Variants in PSTK observed in about 807,000 individuals in gnomAD.
PSTK encodes phosphoseryl-tRNA kinase, also known as L-seryl-tRNA(Sec) kinase.
A neutral mutation model predicts 38.6 loss-of-function variants in PSTK; 26 were observed. The ratio of observed to expected loss-of-function variants is 0.67; its 90% confidence interval spans 0.49 to 0.94. The LOEUF is 0.94. Among genes scored for constraint, PSTK ranks in the 40% least tolerant of loss-of-function variants. The pLI is 0.00. For missense variants in PSTK, 445 were observed against 436.3 expected, an observed-to-expected ratio of 1.02 and a Z score of -0.18; for synonymous variants, 181 against 161.7, an observed-to-expected ratio of 1.12 and a Z score of -0.91.
chr10:122,987,744 T>C (rs987019332), intron 5 of PSTK, among the ~76,000 whole-genome samples: 1 of 152,250 alleles, frequency 6.6e-6, no homozygotes, highest in Admixed American at 6.5e-5. Flanking sequence ...TTACAAATAC[T>C]GTTTCTAATC....
Position 122,990,182 on chromosome 10 carries a change from G to GATATC in PSTK, c.886_887insATATC (p.Val296AspfsTer8). The GATATC allele has an allele frequency of 6.6e-7, 1 of 1,518,280 alleles. No individual in the cohort carries two copies. Among genetic ancestry groups the GATATC allele is most frequent in the Admixed American group, 2.4e-5 (1 of 41,304 alleles). The allele number at this position is 1,518,280 out of a possible 1,614,324, so 94.1% of individuals were successfully genotyped here. A position where few individuals can be genotyped will look rare whatever the true frequency, so the allele number is the denominator to read the frequency against. On this transcript the variant is annotated frameshift_variant, in exon 6 of 6. Transcript: ENST00000406217. LOFTEE classifies it high-confidence loss of function. ...ATATCTTTTTATTTTAGATGAACAAGTGCTTCCTCACAACTTGAAGCTTCT... is the reference window on the plus strand; with the variant it reads ...ATATCTTTTTATTTTAGATGAACAAGATATCTGCTTCCTCACAACTTGAAGCTTCT...
chr10:122,984,722 A>G (rs1197876257), intron 3 of PSTK: 1 of 152,172 alleles, frequency 6.6e-6, no homozygotes, highest in Non-Finnish European at 1.5e-5. Context: ...TCTCTAAACA[A>G]ACAGACTAAA....
intron 5 of PSTK, chr10:122,987,207 G>A (rs544434755): frequency 1.3e-5 from 17 of 1,324,104 alleles, no homozygotes; most frequent in Admixed American, 2.3e-5. Context: ...CTGGGGAATC[G>A]GCAGGGAGCA....
chr10:122,983,150 A>G (rs928286202), intron 2 of PSTK, 122 bp from the exon 3 acceptor site: 23 of 1,198,844 alleles, frequency 1.9e-5, no homozygotes, highest in Non-Finnish European at 2.6e-5. Flanking sequence ...TAAAAGCTAG[A>G]TGTTCAGTAT....
intron 5 of PSTK, among the ~76,000 whole-genome samples, chr10:122,988,763 G>T (rs574557208): frequency 1.5e-4 from 23 of 152,322 alleles, no homozygotes; most frequent in Middle Eastern, 3.4e-3. Context: ...AGGAATGTCA[G>T]ATGGTACAGC....
intron 2 of PSTK, 29 bp from the exon 3 acceptor site, chr10:122,983,243 G>A: frequency 1.3e-6 from 2 of 1,556,228 alleles, no homozygotes; most frequent in Non-Finnish European, 1.7e-6. Context: ...GAGTATACCA[G>A]TAATTCTATC....
chr10:122,988,328 G>A (rs929686530), intron 5 of PSTK, among the ~76,000 whole-genome samples: 1 of 151,810 alleles, frequency 6.6e-6, no homozygotes, highest in African/African-American at 2.4e-5. Context: ...GGGGGGTAGG[G>A]TTATGCCCAA....
At chr10:122,984,674 T>C (rs1197038658) in intron 3 of PSTK, 1 of 152,198 alleles carries the variant, frequency 6.6e-6, no homozygotes, top group Non-Finnish European at 1.5e-5. Flanking sequence ...GCTATGATAA[T>C]GCCACTGCAC....
intron 5 of PSTK, among the ~76,000 whole-genome samples, chr10:122,989,255 TTTTGC>T (rs1288611805): frequency 4.0e-5 from 6 of 151,700 alleles, no homozygotes; most frequent in Non-Finnish European, 5.9e-5. Context: ...TGGGTTTTTG[TTTTGC>T]TTTGTTTTTG....
chr10:122,986,078 G>A, intron 3 of PSTK: 1 of 267,578 alleles, frequency 3.7e-6, no homozygotes, highest in South Asian at 7.0e-5. Context: ...AAAATTAGCT[G>A]GGCGTGGTGG....
At chr10:122,988,996 T>G (rs1042753906) in intron 5 of PSTK, among the ~76,000 whole-genome samples, 1 of 152,130 alleles carries the variant, frequency 6.6e-6, no homozygotes, top group Non-Finnish European at 1.5e-5. Flanking sequence ...CAAAATATTA[T>G]TCAGCCATAA....
At position 122,990,084 on chromosome 10, in the gene PSTK, T is replaced by G. The variant is rs539282961; in HGVS notation, c.878-90T>G. ...TGATTGTTTATAGAATCTAACTGGT[T>G]TGTTTAATCAAATTAATTTCCTAAT... On this transcript the variant is annotated intron_variant, in intron 5 of 5. Transcript: ENST00000406217. The G allele has an allele frequency of 1.3e-5, 11 of 847,348 alleles. No individual in the cohort carries two copies. The East Asian group carries it at 3.2e-4, about 24-fold the overall frequency. 52.5% of individuals were successfully genotyped at this position (847,348 alleles called of 1,614,324 possible). A position where few individuals can be genotyped will look rare whatever the true frequency, so the allele number is the denominator to read the frequency against.
rs1307815399 is a variant in PSTK, at chr10:122,986,857, G to C, written c.784-12G>C. On this transcript the variant is annotated splice_polypyrimidine_tract_variant and intron_variant, in intron 4 of 5. Coordinates refer to ENST00000406217, the MANE Select transcript of PSTK (RefSeq NM_001363531.2). ...TATGTGACTTCTAATAACAATGTCT[G>C]TATTAACATAGGACACAGACAGAAT... 2.6e-6 allele frequency: 4 copies of C among 1,509,580 alleles called. No homozygotes were observed. The highest frequency in any genetic ancestry group is 3.7e-6 in the Non-Finnish European group (4 of 1,086,144). The allele number at this position is 1,509,580 out of a possible 1,614,324, so 93.5% of individuals were successfully genotyped here. A position where few individuals can be genotyped will look rare whatever the true frequency, so the allele number is the denominator to read the frequency against.
intron 5 of PSTK, among the ~76,000 whole-genome samples, chr10:122,989,192 T>TGGGGGGGAGG (rs1564732153): frequency 6.3e-5 from 1 of 16,000 alleles, no homozygotes; most frequent in South Asian, 2.9e-3. Context: ...GGGCGGGGGG[T>TGGGGGGGAGG]GGGCGGGGTG....
At position 122,986,322 on chromosome 10, in the gene PSTK, C is replaced by G. The variant is rs1016880487; in HGVS notation, c.730C>G (p.Leu244Val). 6.2e-7 allele frequency: 1 copy of G among 1,608,688 alleles called. No individual in the cohort carries two copies. The highest frequency in any genetic ancestry group is 8.5e-7 in the Non-Finnish European group (1 of 1,176,610). ...TAGCCTGGAAGTGACTGATTTATTGCTCACTGCTTTGGAAAATCCAGTAAA... is the reference window on the plus strand; with the variant it reads ...TAGCCTGGAAGTGACTGATTTATTGGTCACTGCTTTGGAAAATCCAGTAAA... ...EASLEVTDLL[L>V]TALENPVKYA... Residue 244 changes from leucine (L) to valine (V), a missense_variant, in exon 4 of 6, where the codon CTC becomes GTC. Transcript: ENST00000406217.
At chr10:122,981,668 G>A (rs4980239) in intron 1 of PSTK, among the ~76,000 whole-genome samples, 100,111 of 152,106 alleles carry the variant, frequency 0.66, 33,305 homozygotes, top group Non-Finnish European at 0.7. Flanking sequence ...TCTCCAGCAA[G>A]GTGTATCTAC....
rs945873107 is a variant in PSTK, at chr10:122,980,654, A to G, written c.175A>G (p.Met59Val). ...AIGVVAYDDVMPDAFLAGARA... is the reference protein window; with the variant it reads ...AIGVVAYDDVVPDAFLAGARA... ...CGGTGTTGTCGCGTATGATGACGTC[A>G]TGCCCGACGCGTTTCTCGCCGGGGC... The change falls in exon 1 of 6, where the codon ATG becomes GTG. Residue 59 changes from methionine (M) to valine (V), a missense_variant. Transcript: ENST00000406217. The surrounding 1 kb of genome is among the most constrained non-coding windows in gnomAD (Gnocchi z 4.3). 6.3e-7 allele frequency: 1 copy of G among 1,591,672 alleles called. No individual in the cohort carries two copies. Among genetic ancestry groups the G allele is most frequent in the Non-Finnish European group, 8.6e-7 (1 of 1,167,804 alleles).
At chr10:122,986,198 G>A in intron 3 of PSTK, 102 bp from the exon 4 acceptor site, 1 of 632,512 alleles carries the variant, frequency 1.6e-6, no homozygotes, top group Non-Finnish European at 2.6e-6. Flanking sequence ...TCCAGCCTGG[G>A]TGACAGAGCA....
In PSTK at chr10:122,980,791, G is replaced by T; in HGVS notation, c.216+96G>T. ...GCGTCCACGCGGTCCTGGGTGATTT[G>T]CCATGAGCGCCCATTGCTTGGTGTG... On this transcript the variant is annotated intron_variant, in intron 1 of 5. Coordinates refer to ENST00000406217, the MANE Select transcript of PSTK (RefSeq NM_001363531.2). This position sits in a 1 kb window ranked among gnomAD's most constrained non-coding sequence, Gnocchi z 4.3. 7.8e-7 allele frequency: 1 copy of T among 1,289,240 alleles called. No homozygotes were observed. Among genetic ancestry groups the T allele is most frequent in the South Asian group, 2.4e-5 (1 of 41,180 alleles). The allele number at this position is 1,289,240 out of a possible 1,614,324, so 79.9% of individuals were successfully genotyped here. A position where few individuals can be genotyped will look rare whatever the true frequency, so the allele number is the denominator to read the frequency against.
Sources: gnomAD v4.1 joint callset for allele counts (sites outside exome capture counted in the v4.1 genomes callset) on GRCh38, gnomAD v4.1.1 for gene constraint, Gnocchi (gnomAD v3.1) non-coding constraint, MANE v1.5 for transcripts, NCBI Gene and HGNC (gene_info 2026-07-23, HGNC 2026-07-21) for gene names.